Variants in URAD observed in about 807,000 individuals in gnomAD.
URAD encodes putative 2-oxo-4-hydroxy-4-carboxy-5-ureidoimidazoline decarboxylase.
In URAD, 4 loss-of-function variants were observed where a neutral mutation model predicts 4.6. That is an observed-to-expected ratio of 0.87 (90% CI 0.43 to 1.98). The LOEUF is 1.98. Ranked by LOEUF, URAD falls within the 30% of genes most tolerant of loss-of-function variation. URAD has a pLI of 0.03. For synonymous variants in URAD, 144 were observed against 118.2 expected (o/e 1.22, Z -1.41); for missense variants, 300 against 255.3 (o/e 1.18, Z -1.19).
Position 27,978,365 on chromosome 13 carries a change from T to A in URAD, c.263A>T (p.Gln88Leu). Residue 88 changes from glutamine to leucine, a missense_variant, in exon 2 of 2, where the codon CAG becomes CTG. Physicochemically the swap from Gln to Leu is moderately radical, Grantham distance 113. Transcript: ENST00000332715. ...CAGGCTCCTCAGGCCTGCGCCGCTC[T>A]GTTCCCGCTGCGACTCGGCCGTGAG... ...GTLTAESQRE[Q>L]SGAGLRSLGA... The A allele has an allele frequency of 1.4e-6, 2 of 1,402,864 alleles. No homozygotes were observed. The highest frequency in any genetic ancestry group is 1.8e-6 in the Non-Finnish European group (2 of 1,085,070). 86.9% of individuals were successfully genotyped at this position (1,402,864 alleles called of 1,614,324 possible). A position where few individuals can be genotyped will look rare whatever the true frequency, so the allele number is the denominator to read the frequency against.
chr13:27,983,271 CCAGG>C lies in URAD; in HGVS notation c.176-4823_176-4820del, dbSNP rs745528744. On this transcript the variant is annotated intron_variant, in intron 1 of 1. Coordinates refer to ENST00000332715, the MANE Select transcript of URAD (RefSeq NM_001105577.2). ...TTGAGACAGAGTCCCATCCTGTCACCCAGGCTGGAGTGCAGTGGTGCGATCTCGG... is the reference window on the plus strand; with the variant it reads ...TTGAGACAGAGTCCCATCCTGTCACCCTGGAGTGCAGTGGTGCGATCTCGG... 1.6e-3 allele frequency among the ~76,000 whole-genome samples: 242 copies of C among 152,118 alleles called. 5 individuals are homozygous for C. Among genetic ancestry groups the C allele is most frequent in the Non-Finnish European group, 4.9e-4 (33 of 68,000 alleles).
Position 27,988,531 on chromosome 13 carries a change from C to A in URAD, c.107G>T (p.Arg36Leu). Residue 36 changes from arginine to leucine, a missense_variant, in exon 1 of 2, where the codon CGG (arginine) becomes CTG (leucine). Arg to Leu is a moderately radical substitution (Grantham distance 102). Coordinates refer to ENST00000332715, the MANE Select transcript of URAD (RefSeq NM_001105577.2). ...TAAATCTTCCAAATCAGAGAATGGC[C>A]GCTGGGACCAAACAGCAGCTGCAAT... is the stretch of plus-strand genomic sequence containing the variant. ...PLIAAAVWSQ[R>L]PFSDLEDLEK... The A allele has an allele frequency of 1.2e-6, 2 of 1,613,852 alleles. No individual in the cohort carries two copies. Among genetic ancestry groups the A allele is most frequent in the Admixed American group, 1.7e-5 (1 of 60,006 alleles).
At chr13:27,987,739 C>G (rs1156400460) in intron 1 of URAD, among the ~76,000 whole-genome samples, 3 of 152,150 alleles carry the variant, frequency 2.0e-5, no homozygotes, top group Non-Finnish European at 4.4e-5. Flanking sequence ...CAGCCACTTT[C>G]CTTAGCCACC....
chr13:27,984,508 C>T (rs1869962226), intron 1 of URAD, among the ~76,000 whole-genome samples: 1 of 152,140 alleles, frequency 6.6e-6, no homozygotes, highest in South Asian at 2.1e-4. Context: ...GTCTAGAAAC[C>T]CAGTTTTGTT....
At position 27,984,078 on chromosome 13, in the gene URAD, C is replaced by T. The variant is rs943235691; in HGVS notation, c.175+4385G>A. Reference sequence around the variant, plus strand: ...TTTGTTTTTTTTGTGACAGGGTTCTCGCTCTGTCATCCAGGCTGGTGTGCA... The same window carrying T: ...TTTGTTTTTTTTGTGACAGGGTTCTTGCTCTGTCATCCAGGCTGGTGTGCA... On this transcript the variant is annotated intron_variant, in intron 1 of 1. Coordinates refer to ENST00000332715, the MANE Select transcript of URAD (RefSeq NM_001105577.2). Among the ~76,000 whole-genome samples the T allele has an allele frequency of 5.3e-5, 8 of 152,212 alleles. 1 individual carries two copies. In the East Asian group the frequency reaches 1.5e-3, roughly 29 times the overall value.
chr13:27,982,965 A>G (rs1426864175), intron 1 of URAD, among the ~76,000 whole-genome samples: 1 of 151,842 alleles, frequency 6.6e-6, no homozygotes, highest in Non-Finnish European at 1.5e-5. Context: ...AGCAACCTCA[A>G]CTCTTACTCT....
At chr13:27,986,389 G>A (rs1320069613) in intron 1 of URAD, among the ~76,000 whole-genome samples, 2 of 152,172 alleles carry the variant, frequency 1.3e-5, no homozygotes, top group African/African-American at 4.8e-5. Flanking sequence ...CTCGGGAGCG[G>A]GGGTTGCCCA....
chr13:27,978,050 G>T lies in URAD; in HGVS notation c.*56C>A. 2.9e-6 allele frequency: 4 copies of T among 1,371,674 alleles called. No homozygotes were observed. Among genetic ancestry groups the T allele is most frequent in the Non-Finnish European group, 3.8e-6 (4 of 1,062,454 alleles). 85.0% of individuals were successfully genotyped at this position (1,371,674 alleles called of 1,614,324 possible). ...CTCCCGCCCAGGACGCACAGCTCCGGGCCGTGGCCCCCGCGCGTCCGGTTG... is the reference window on the plus strand; with the variant it reads ...CTCCCGCCCAGGACGCACAGCTCCGTGCCGTGGCCCCCGCGCGTCCGGTTG... On this transcript the variant is annotated 3_prime_UTR_variant, in exon 2 of 2. Coordinates refer to ENST00000332715, the MANE Select transcript of URAD (RefSeq NM_001105577.2).
At chr13:27,980,563 G>A (rs1325885713) in intron 1 of URAD, among the ~76,000 whole-genome samples, 2 of 152,194 alleles carry the variant, frequency 1.3e-5, no homozygotes, top group African/African-American at 4.8e-5. Flanking sequence ...TCAGGTGTTC[G>A]GAGTTTCAGA....
At chr13:27,983,944 A>G (rs981657515) in intron 1 of URAD, among the ~76,000 whole-genome samples, 3 of 152,242 alleles carry the variant, frequency 2.0e-5, no homozygotes, top group Non-Finnish European at 4.4e-5. Flanking sequence ...CCTGTATTAT[A>G]AGGAACTTAT....
chr13:27,982,034 A>C (rs1185314788), intron 1 of URAD, among the ~76,000 whole-genome samples: 3 of 151,882 alleles, frequency 2.0e-5, no homozygotes, highest in Non-Finnish European at 4.4e-5. Flanking sequence ...ACTGATCTGC[A>C]CTCATTAAGG....
chr13:27,986,626 G>A (rs969103308), intron 1 of URAD, among the ~76,000 whole-genome samples: 28 of 152,178 alleles, frequency 1.8e-4, no homozygotes, highest in Admixed American at 6.5e-4. Flanking sequence ...TTATTCACGC[G>A]ATCCTAGCTT....
rs763315120 is a variant in URAD, at chr13:27,978,096, C to G, written c.*10G>C. 60 of 1,475,360 alleles carry G rather than the reference C, an allele frequency of 4.1e-5. No homozygotes were observed. In the East Asian group the frequency reaches 1.6e-3, roughly 40 times the overall value. The allele number at this position is 1,475,360 out of a possible 1,614,324, so 91.4% of individuals were successfully genotyped here. On this transcript the variant is annotated 3_prime_UTR_variant, in exon 2 of 2. Transcript: ENST00000332715. ...GGTTGTGCGTCCCGGGTCCCTGGCC[C>G]GCGCGGCAGCTACAGCTTGGCGGGG...
chr13:27,988,490 C>CA lies in URAD; in HGVS notation c.147dup (p.Ala50CysfsTer4). On this transcript the variant is annotated frameshift_variant, in exon 1 of 2. Transcript: ENST00000332715. LOFTEE classifies it low-confidence loss of function (END_TRUNC). Reference sequence around the variant, plus strand: ...GACTGTGCAAGGGCATCAATAAAGGCAAAAAAGTGCTTCTCTAAATCTTCC... The same window carrying CA: ...GACTGTGCAAGGGCATCAATAAAGGCAAAAAAAGTGCTTCTCTAAATCTTCC... The CA allele has an allele frequency of 6.2e-7, 1 of 1,612,472 alleles. No individual in the cohort carries two copies. The highest frequency in any genetic ancestry group is 8.5e-7 in the Non-Finnish European group (1 of 1,179,186).
chr13:27,988,553 C>T lies in URAD; in HGVS notation c.85G>A (p.Ala29Thr). 6.2e-7 allele frequency: 1 copy of T among 1,613,938 alleles called. No individual in the cohort carries two copies. The highest frequency in any genetic ancestry group is 8.5e-7 in the Non-Finnish European group (1 of 1,179,862). Residue 29 changes from alanine to threonine, a missense_variant, in exon 1 of 2, where the codon GCA becomes ACA. Transcript: ENST00000332715. ...GGCCGCTGGGACCAAACAGCAGCTGCAATCAGAGGACATCTCTCAGTGGCA... is the reference window on the plus strand; with the variant it reads ...GGCCGCTGGGACCAAACAGCAGCTGTAATCAGAGGACATCTCTCAGTGGCA... ...GNATERCPLIAAAVWSQRPFS... is the reference protein window; with the variant it reads ...GNATERCPLITAAVWSQRPFS...
chr13:27,987,540 G>A (rs997838011), intron 1 of URAD, among the ~76,000 whole-genome samples: 9 of 152,158 alleles, frequency 5.9e-5, no homozygotes, highest in Non-Finnish European at 1.0e-4. Flanking sequence ...AAAGTCAGCC[G>A]ATTGCCCTTT....
At chr13:27,988,007 G>T (rs1020393164) in intron 1 of URAD, among the ~76,000 whole-genome samples, 1 of 152,168 alleles carries the variant, frequency 6.6e-6, no homozygotes, top group African/African-American at 2.4e-5. Flanking sequence ...CCACCAGGCT[G>T]GAGTGCAGTG....
rs535381414 is a variant in URAD at position 27,988,654 on chromosome 13, G to C, written c.-17C>G. 1.3e-6 allele frequency: 2 copies of C among 1,571,922 alleles called. No individual in the cohort carries two copies. The highest frequency in any genetic ancestry group is 2.7e-5 in the African/African-American group (2 of 73,658). ...AATGTCCATTCCTTGTATTCCACTG[G>C]AGACAGCGGGACGTCCAGCTCCCCT... On this transcript the variant is annotated 5_prime_UTR_variant, in exon 1 of 2. Transcript: ENST00000332715.
Position 27,978,171 on chromosome 13 carries a change from C to A in URAD, c.457G>T (p.Glu153Ter). 6.5e-7 allele frequency: 1 copy of A among 1,530,246 alleles called. No individual in the cohort carries two copies. The highest frequency in any genetic ancestry group is 8.7e-7 in the Non-Finnish European group (1 of 1,151,206). The allele number at this position is 1,530,246 out of a possible 1,614,324, so 94.8% of individuals were successfully genotyped here. A position where few individuals can be genotyped will look rare whatever the true frequency, so the allele number is the denominator to read the frequency against. ...SAQELRTALG[E>*]VKKIGSLRLA... is the part of the protein sequence containing the mutation. ...CGCAGGCTGCCGATCTTCTTCACCT[C>A]GCCCAGAGCAGTGCGCAGCTCCTGC... Residue 153 changes from glutamate to a stop codon, truncating the protein, a stop_gained, in exon 2 of 2, where the codon GAG becomes TAG. Coordinates refer to ENST00000332715, the MANE Select transcript of URAD (RefSeq NM_001105577.2). LOFTEE classifies it low-confidence loss of function (END_TRUNC).
Sources: allele counts gnomAD v4.1 joint callset (sites outside exome capture counted in the v4.1 genomes callset), GRCh38; gene constraint gnomAD v4.1.1; transcripts MANE v1.5; gene names NCBI Gene and HGNC (gene_info 2026-07-23, HGNC 2026-07-21).